RFX7: variants seen among roughly 807,000 people sequenced by gnomAD.
RFX7 encodes regulatory factor X7, also known as DNA-binding protein RFX7.
Under a neutral mutation model 111.8 loss-of-function variants are expected in RFX7, and 26 were observed. That is an observed-to-expected ratio of 0.23 (90% CI 0.17 to 0.32). The LOEUF is 0.32. Ranked by LOEUF, RFX7 falls within the 10% of genes least tolerant of loss-of-function variation. The pLI is 1.00. For synonymous variants in RFX7, 624 were observed against 624.4 expected, an observed-to-expected ratio of 1.00 and a Z score of 0.01; for missense variants, 1,573 against 1,772.9, an observed-to-expected ratio of 0.89 and a Z score of 2.02.
chr15:56,236,237 C>T (rs1265630367), intron 2 of RFX7, among the ~76,000 whole-genome samples: 2 of 152,226 alleles, frequency 1.3e-5, no homozygotes, highest in East Asian at 3.9e-4. Flanking sequence ...TGCCTATTTA[C>T]AGTCGCAAAA....
At chr15:56,138,599 C>G (rs1364810796) in intron 5 of RFX7, among the ~76,000 whole-genome samples, 1 of 152,014 alleles carries the variant, frequency 6.6e-6, no homozygotes, top group South Asian at 2.1e-4. Context: ...TTAATTGGAG[C>G]ATTTAGCCCA....
Position 56,130,324 on chromosome 15 carries a change from A to C in RFX7, c.401+12454T>G, listed in dbSNP as rs190223427. 2.9e-4 allele frequency among the ~76,000 whole-genome samples: 44 copies of C among 152,318 alleles called. 1 individual carries two copies. Among genetic ancestry groups the C allele is most frequent in the Middle Eastern group, 6.8e-3 (2 of 294 alleles). On this transcript the variant is annotated intron_variant, in intron 5 of 9. Transcript: ENST00000559447. ...GAAAGTAAATCTCAATAAAAATATC[A>C]GAAACTAAGCCCCATTCTCTGACCA...
intron 3 of RFX7, among the ~76,000 whole-genome samples, chr15:56,174,464 G>C (rs376525518): frequency 2.0e-5 from 3 of 152,076 alleles, no homozygotes; most frequent in Non-Finnish European, 2.9e-5. Flanking sequence ...GCATGTGGCT[G>C]GGCACGGTTG....
At chr15:56,218,421 C>T (rs1291097408) in intron 2 of RFX7, among the ~76,000 whole-genome samples, 1 of 152,058 alleles carries the variant, frequency 6.6e-6, no homozygotes, top group Admixed American at 6.5e-5. Context: ...CGTGAGCCAC[C>T]ACACCCAGCC....
At position 56,103,722 on chromosome 15, in the gene RFX7, G is replaced by A. The variant is rs1189517955; in HGVS notation, c.402-52C>T. The stretch of plus-strand genomic sequence containing the variant: ...GAGTGACAGAATTCAGAATTATATC[G>A]CAGGGTGCTATTTCAATACAATTTG... On this transcript the variant is annotated intron_variant, in intron 5 of 9. Transcript: ENST00000559447. 7 of 1,074,838 alleles carry A rather than the reference G, an allele frequency of 6.5e-6. No individual in the cohort carries two copies. The East Asian group carries it at 1.0e-4, about 16-fold the overall frequency. The allele number at this position is 1,074,838 out of a possible 1,614,324, so 66.6% of individuals were successfully genotyped here.
rs961431226 is a variant in RFX7 at position 56,091,764 on chromosome 15, C to T, written c.*1581G>A. On this transcript the variant is annotated 3_prime_UTR_variant, in exon 10 of 10. Transcript: ENST00000559447. ...TAACTAAGACATATCAATATATAAA[C>T]CTCTGCGCCAACTCTAGCACCATTT... 41 of 152,622 alleles carry T rather than the reference C, an allele frequency of 2.7e-4. No homozygotes were observed. Among genetic ancestry groups the T allele is most frequent in the African/African-American group, 9.9e-4 (41 of 41,556 alleles). 9.5% of individuals were successfully genotyped at this position (152,622 alleles called of 1,614,324 possible).
rs1309762886 is a variant in RFX7 at position 56,098,334 on chromosome 15, G to A, written c.854C>T (p.Ala285Val). ...ITQPSAFIPT[A>V]ESNSFQPQVK... ...CTGAGGCTGAAAGGAATTACTTTCAGCTGTAGGTATAAAAGCAGAAGGCTG... is the reference window on the plus strand; with the variant it reads ...CTGAGGCTGAAAGGAATTACTTTCAACTGTAGGTATAAAAGCAGAAGGCTG... The change falls in exon 9 of 10, where the codon GCT (alanine) becomes GTT (valine). Residue 285 changes from alanine to valine, a missense_variant. Around this residue, in one of 7 missense-constraint regions of RFX7, gnomAD observed 288 missense variants for 337.9 expected, o/e 0.85. Coordinates refer to ENST00000559447, the MANE Select transcript of RFX7 (RefSeq NM_022841.7). 1 of 1,611,202 alleles carries A rather than the reference G, an allele frequency of 6.2e-7. No individual in the cohort carries two copies. The highest frequency in any genetic ancestry group is 1.7e-5 in the Admixed American group (1 of 59,538).
intron 3 of RFX7, among the ~76,000 whole-genome samples, chr15:56,174,821 C>T (rs895875041): frequency 3.3e-5 from 5 of 151,876 alleles, no homozygotes; most frequent in Admixed American, 6.6e-5. Context: ...CAGAAAGTAA[C>T]ATGTTTAACC....
chr15:56,186,134 C>T (rs1253863886), intron 2 of RFX7, among the ~76,000 whole-genome samples: 4 of 152,156 alleles, frequency 2.6e-5, no homozygotes, highest in South Asian at 2.1e-4. Context: ...TTTTACCCTT[C>T]TACATGCCCT....
rs571415918 is a variant in RFX7, at chr15:56,094,503, T to A, written c.3225A>T (p.Ser1075=). The change falls in exon 10 of 10, where the codon TCA becomes TCT. Residue 1075 remains serine, a synonymous_variant. Transcript: ENST00000559447. ...GGAGAATACCATGGCCAGAAACTGATGAATTACCAACCCCACTATACCCAT... is the reference window on the plus strand; with the variant it reads ...GGAGAATACCATGGCCAGAAACTGAAGAATTACCAACCCCACTATACCCAT... ...MNNGYSGVGN[S]SVSGHGILPS... 14 of 1,613,924 alleles carry A rather than the reference T, an allele frequency of 8.7e-6. No homozygotes were observed. The highest frequency in any genetic ancestry group is 6.7e-5 in the Admixed American group (4 of 60,020).
intron 2 of RFX7, among the ~76,000 whole-genome samples, chr15:56,220,749 C>T (rs1413809340): frequency 6.6e-6 from 1 of 152,126 alleles, no homozygotes; most frequent in Non-Finnish European, 1.5e-5. Flanking sequence ...TCTTTCCTTT[C>T]CCGGTTCCTA....
At chr15:56,230,068 T>A (rs2043533375) in intron 2 of RFX7, among the ~76,000 whole-genome samples, 1 of 151,544 alleles carries the variant, frequency 6.6e-6, no homozygotes, top group South Asian at 2.1e-4. Context: ...TTGGGTCTTG[T>A]CTCCTAAAAA....
At chr15:56,218,144 CTTTTTTTTTTT>C (rs869249448) in intron 2 of RFX7, among the ~76,000 whole-genome samples, 9 of 57,974 alleles carry the variant, frequency 1.6e-4, no homozygotes, top group East Asian at 6.7e-4. Flanking sequence ...AAATGATTTT[CTTTTTTTTTTT>C]TTTTTTTTTT....
chr15:56,121,692 C>A (rs768361292), intron 5 of RFX7, among the ~76,000 whole-genome samples: 2 of 152,070 alleles, frequency 1.3e-5, no homozygotes. Context: ...TTTTCTAGAT[C>A]TTGTAGGTGT....
At chr15:56,102,003 G>A (rs768324099) in intron 7 of RFX7, among the ~76,000 whole-genome samples, 166 bp downstream of exon 7, 4 of 152,004 alleles carry the variant, frequency 2.6e-5, no homozygotes, top group East Asian at 1.9e-4. Context: ...TCATGTTGAC[G>A]TAGGTCATAT....
intron 2 of RFX7, among the ~76,000 whole-genome samples, chr15:56,197,009 C>T (rs920580890): frequency 2.9e-4 from 44 of 152,164 alleles, no homozygotes; most frequent in Non-Finnish European, 8.8e-5. Context: ...AATCTATACT[C>T]CATCAGCTGT....
intron 5 of RFX7, among the ~76,000 whole-genome samples, chr15:56,114,707 A>AT (rs1256007700): frequency 1.3e-5 from 2 of 152,216 alleles, no homozygotes; most frequent in African/African-American, 4.8e-5. Context: ...TTATTTATAT[A>AT]TAAAAAAACT....
chr15:56,177,839 G>A (rs1860267148), intron 3 of RFX7, among the ~76,000 whole-genome samples: 1 of 152,092 alleles, frequency 6.6e-6, no homozygotes. Flanking sequence ...AGACTCTTAA[G>A]AGTTGGAAGA....
chr15:56,109,502 C>A (rs1185565383), intron 5 of RFX7, among the ~76,000 whole-genome samples: 3 of 152,006 alleles, frequency 2.0e-5, no homozygotes, highest in African/African-American at 7.3e-5. Context: ...TCTGCCTGGC[C>A]GCCCATCGTC....
Sources: allele counts gnomAD v4.1 joint callset (sites outside exome capture counted in the v4.1 genomes callset), GRCh38; gene constraint gnomAD v4.1.1; regional missense constraint gnomAD v4.1.1; transcripts MANE v1.5; gene names NCBI Gene and HGNC (gene_info 2026-07-23, HGNC 2026-07-21).